The following NFYC variants were observed in gnomAD, a reference collection of about 807,000 sequenced individuals.
The protein encoded by NFYC is nuclear transcription factor Y subunit gamma, also known as CAAT box DNA-binding protein subunit C.
In NFYC, 25 loss-of-function variants were observed where a neutral mutation model predicts 53.1. The ratio of observed to expected loss-of-function variants is 0.47; its 90% CI spans 0.34 to 0.66. The LOEUF (loss-of-function observed/expected upper bound fraction) is 0.66. NFYC is among the 30% of genes least tolerant of loss of function. The pLI is 0.01. For synonymous variants in NFYC, 145 were observed against 152.6 expected (o/e 0.95, Z 0.37); for missense variants, 260 against 422.7 (o/e 0.62, Z 3.38).
intron 1 of NFYC, among the ~76,000 whole-genome samples, chr1:40,707,303 G>A (rs1643743399): frequency 6.6e-6 from 1 of 151,788 alleles, no homozygotes; most frequent in Non-Finnish European, 1.5e-5. Context: ...AGACCAGCCT[G>A]GCCACCATAG....
At chr1:40,728,368 G>A (rs951640105) in intron 1 of NFYC, among the ~76,000 whole-genome samples, 2 of 152,010 alleles carry the variant, frequency 1.3e-5, no homozygotes, top group Non-Finnish European at 1.5e-5. Flanking sequence ...AGGCTGAGGC[G>A]GGCGGATTAC....
chr1:40,759,767 G>C (rs550476976), intron 6 of NFYC, among the ~76,000 whole-genome samples: 1 of 152,056 alleles, frequency 6.6e-6, no homozygotes, highest in Non-Finnish European at 1.5e-5. Context: ...TGCCAGTAGA[G>C]GGCACAGCAC....
intron 1 of NFYC, among the ~76,000 whole-genome samples, chr1:40,695,399 A>G (rs1023748331): frequency 7.9e-5 from 12 of 152,172 alleles, no homozygotes; most frequent in African/African-American, 2.7e-4. Context: ...CTATGGAGCT[A>G]TGCTGGGAGT....
chr1:40,767,155 T>C, intron 8 of NFYC: 1 of 612,282 alleles, frequency 1.6e-6, no homozygotes, highest in Non-Finnish European at 3.0e-6. Context: ...CCTTCTCCTC[T>C]CCTCTCGTGC....
intron 1 of NFYC, among the ~76,000 whole-genome samples, chr1:40,707,849 CA>C (rs56325253): frequency 0.03 from 2,955 of 99,426 alleles, 36 homozygotes; most frequent in South Asian, 0.049. Flanking sequence ...GACCCTATCT[CA>C]AAAAAAAAAA....
chr1:40,757,406 C>T (rs372124559), intron 5 of NFYC: 9 of 528,282 alleles, frequency 1.7e-5, no homozygotes, highest in South Asian at 5.7e-5. Flanking sequence ...GTCTCCACTC[C>T]GCAGATCGGA....
intron 1 of NFYC, among the ~76,000 whole-genome samples, chr1:40,693,813 A>T (rs1459331340): frequency 6.6e-6 from 1 of 152,212 alleles, no homozygotes; most frequent in African/African-American, 2.4e-5. Flanking sequence ...TGGATCATCT[A>T]CTTTGATTTC....
At chr1:40,766,559 A>G (rs746868532) in intron 7 of NFYC, 37 bp from the exon 8 acceptor site, 13 of 1,488,470 alleles carry the variant, frequency 8.7e-6, no homozygotes, top group East Asian at 4.6e-5. Flanking sequence ...ATTATACTCA[A>G]TGTCTTATGG....
rs1207311984 is a variant in NFYC, at chr1:40,694,649, CT to C, written c.-9+2792del. 6.0e-5 allele frequency among the ~76,000 whole-genome samples: 9 copies of C among 148,854 alleles called. No individual in the cohort carries two copies. In the South Asian group the frequency reaches 1.5e-3, roughly 25 times the overall value. ...GATAAAAATGAGTGTATATGTACAC[CT>C]TTTTTTTTTCAGCAGGCATTTCTGG... On this transcript the variant is annotated intron_variant, in intron 1 of 9. Transcript: ENST00000447388.
intron 1 of NFYC, chr1:40,735,496 C>A: frequency 1.4e-6 from 1 of 715,598 alleles, no homozygotes; most frequent in Non-Finnish European, 1.7e-6. Context: ...AAGCAGACTG[C>A]ACAGATGGTT....
At chr1:40,761,410 T>G (rs1646539229) in intron 6 of NFYC, among the ~76,000 whole-genome samples, 1 of 152,180 alleles carries the variant, frequency 6.6e-6, no homozygotes, top group African/African-American at 2.4e-5. Context: ...GCAAATATCC[T>G]TCGTAGGACA....
chr1:40,738,823 T>C lies in NFYC; in HGVS notation c.-8-13T>C, dbSNP rs543483155. On this transcript the variant is annotated splice_polypyrimidine_tract_variant and intron_variant, in intron 1 of 9. Transcript: ENST00000447388. ...TTGTTTCTAATGTGTCTTATGTATG[T>C]GTTTATTTTCAGTTGTCGAGATGTC... is the stretch of plus-strand genomic sequence containing the variant. The C allele has an allele frequency of 7.6e-6, 12 of 1,586,314 alleles. No individual in the cohort carries two copies. In the African/African-American group the frequency reaches 1.6e-4, roughly 21 times the overall value.
In NFYC at chr1:40,758,121, G is replaced by T. The variant is rs747813775; in HGVS notation, c.388G>T (p.Glu130Ter). Residue 130 changes from glutamate to a stop codon, truncating the protein, a stop_gained and splice_region_variant, in exon 6 of 10, where the codon GAG becomes TAG. Transcript: ENST00000447388. LOFTEE classifies it high-confidence loss of function. ...ACCTGCCTCTCTTTCCACCCAACAG[G>T]AGGAGGTGCGCCAGTCTGTAACTCC... ...RDELKPPKRQ[E>*]EVRQSVTPAE... 1 of 1,611,836 alleles carries T rather than the reference G, an allele frequency of 6.2e-7. No homozygotes were observed. Among genetic ancestry groups the T allele is most frequent in the Non-Finnish European group, 8.5e-7 (1 of 1,179,826 alleles).
intron 1 of NFYC, among the ~76,000 whole-genome samples, chr1:40,701,586 C>G (rs774351656): frequency 6.6e-6 from 1 of 152,108 alleles, no homozygotes; most frequent in Non-Finnish European, 1.5e-5. Context: ...TTACGTAAGC[C>G]CTGGGTTAGG....
chr1:40,752,051 A>C (rs1300180663), intron 4 of NFYC, among the ~76,000 whole-genome samples: 4 of 152,188 alleles, frequency 2.6e-5, no homozygotes, highest in Admixed American at 6.5e-5. Context: ...GTCACCTTTT[A>C]AGGTGTGGTA....
At chr1:40,755,933 A>G (rs1388266989) in intron 5 of NFYC, among the ~76,000 whole-genome samples, 1 of 152,118 alleles carries the variant, frequency 6.6e-6, no homozygotes, top group Non-Finnish European at 1.5e-5. Context: ...ATACTAGATC[A>G]GCTGTAGTTG....
chr1:40,768,811 A>C (rs1473151344), intron 8 of NFYC: 1 of 153,380 alleles, frequency 6.5e-6, no homozygotes, highest in African/African-American at 2.4e-5. Flanking sequence ...CCTCTCTCGG[A>C]AAAAGTACTT....
At chr1:40,748,380 C>T (rs1036664747) in intron 3 of NFYC, among the ~76,000 whole-genome samples, 1 of 151,696 alleles carries the variant, frequency 6.6e-6, no homozygotes, top group Non-Finnish European at 1.5e-5. Context: ...CTCAAGCAGT[C>T]CTCCAGCCTC....
At chr1:40,722,624 T>C (rs1187715025) in intron 1 of NFYC, among the ~76,000 whole-genome samples, 13 of 152,246 alleles carry the variant, frequency 8.5e-5, no homozygotes, top group Admixed American at 8.5e-4. Flanking sequence ...TGTATGAAGC[T>C]TGCTATTTTT....
Sources: gnomAD v4.1 joint callset for allele counts (sites outside exome capture counted in the v4.1 genomes callset) on GRCh38, gnomAD v4.1.1 for gene constraint, MANE v1.5 for transcripts, NCBI Gene and HGNC (gene_info 2026-07-23, HGNC 2026-07-21) for gene names.